Variants in SLC8A1 observed in about 807,000 individuals in gnomAD.
The protein encoded by SLC8A1 is sodium/calcium exchanger 1.
A neutral mutation model predicts 68.3 loss-of-function variants in SLC8A1; 18 were observed. That is an observed-to-expected ratio of 0.26 (90% CI 0.18 to 0.39). The LOEUF (loss-of-function observed/expected upper bound fraction) is 0.39. Among genes scored for constraint, SLC8A1 ranks in the 10% least tolerant of loss-of-function variants. The pLI, the probability that SLC8A1 is intolerant of heterozygous loss-of-function variation, is 1.00. For missense variants in SLC8A1, 985 were observed against 1,156.7 expected (o/e 0.85, Z 2.15); for synonymous variants, 475 against 415.5 (o/e 1.14, Z -1.74).
intron 7 of SLC8A1, among the ~76,000 whole-genome samples, chr2:40,136,139 G>A (rs2040455209): frequency 1.3e-5 from 2 of 152,218 alleles, no homozygotes; most frequent in Admixed American, 6.5e-5. Flanking sequence ...AAGGTGGGAA[G>A]AGGCTACTTG....
intron 2 of SLC8A1, among the ~76,000 whole-genome samples, chr2:40,311,640 G>A (rs1402535278): frequency 6.6e-6 from 1 of 151,940 alleles, no homozygotes; most frequent in Non-Finnish European, 1.5e-5. Flanking sequence ...ATAAAGTATT[G>A]ACAATTGTAT....
At chr2:40,345,839 T>C (rs985596273) in intron 2 of SLC8A1, among the ~76,000 whole-genome samples, 3 of 151,934 alleles carry the variant, frequency 2.0e-5, no homozygotes, top group South Asian at 2.1e-4. Context: ...CACTGGGCCC[T>C]GTCGGGCGGT....
chr2:40,270,276 A>G (rs2065867741), intron 2 of SLC8A1, among the ~76,000 whole-genome samples: 1 of 152,192 alleles, frequency 6.6e-6, no homozygotes, highest in South Asian at 2.1e-4. Flanking sequence ...ACCAAGGAGG[A>G]TGGTGTAGGA....
chr2:40,491,519 A>G (rs1268153462), intron 1 of SLC8A1, among the ~76,000 whole-genome samples: 1 of 152,084 alleles, frequency 6.6e-6, no homozygotes, highest in African/African-American at 2.4e-5. Flanking sequence ...TTCCAACACT[A>G]TGTTGAATAG....
chr2:40,421,082 A>G (rs1456870304), intron 2 of SLC8A1, among the ~76,000 whole-genome samples: 1 of 152,018 alleles, frequency 6.6e-6, no homozygotes, highest in Non-Finnish European at 1.5e-5. Flanking sequence ...CACCACCACC[A>G]CCAACACCAA....
At chr2:40,353,638 A>C (rs1671795897) in intron 2 of SLC8A1, among the ~76,000 whole-genome samples, 1 of 152,186 alleles carries the variant, frequency 6.6e-6, no homozygotes, top group Non-Finnish European at 1.5e-5. Context: ...TAGGCCTGAA[A>C]ACTAAGAGAT....
intron 2 of SLC8A1, 81 bp downstream of exon 3, chr2:40,178,306 A>G: frequency 9.9e-7 from 1 of 1,012,486 alleles, no homozygotes; most frequent in Non-Finnish European, 1.6e-6. Context: ...ATTGTAAGTC[A>G]TGTTCTGAAG....
chr2:40,234,493 T>C (rs1433333867), intron 2 of SLC8A1, among the ~76,000 whole-genome samples: 1 of 152,092 alleles, frequency 6.6e-6, no homozygotes, highest in Admixed American at 6.6e-5. Context: ...CTTAAGGAGA[T>C]TTTGGGCTGA....
chr2:40,253,085 TGTATATA>T (rs1259593543), intron 2 of SLC8A1, among the ~76,000 whole-genome samples: 4 of 100,870 alleles, frequency 4.0e-5, no homozygotes, highest in Non-Finnish European at 5.8e-5. Context: ...TGTGTATAAA[TGTATATA>T]GTATATATAC....
At chr2:40,323,134 A>T (rs2075402177) in intron 2 of SLC8A1, among the ~76,000 whole-genome samples, 2 of 152,190 alleles carry the variant, frequency 1.3e-5, no homozygotes, top group Non-Finnish European at 2.9e-5. Context: ...CACATAGGCA[A>T]CTATAATGCT....
intron 2 of SLC8A1, among the ~76,000 whole-genome samples, chr2:40,420,246 C>A (rs1216306245): frequency 1.3e-5 from 2 of 151,818 alleles, no homozygotes; most frequent in African/African-American, 2.4e-5. Context: ...TACTATTAAC[C>A]ACCTCCAGGG....
At chr2:40,419,855 T>G (rs1043098135) in intron 2 of SLC8A1, among the ~76,000 whole-genome samples, 1 of 152,132 alleles carries the variant, frequency 6.6e-6, no homozygotes, top group East Asian at 1.9e-4. Flanking sequence ...GTTGCAGGCT[T>G]CTTTTAAAGG....
At chr2:40,389,989 T>C (rs1398643573) in intron 2 of SLC8A1, among the ~76,000 whole-genome samples, 1 of 151,908 alleles carries the variant, frequency 6.6e-6, no homozygotes, top group Non-Finnish European at 1.5e-5. Context: ...TAACATGTTA[T>C]AAACATTTTC....
intron 1 of SLC8A1, among the ~76,000 whole-genome samples, chr2:40,476,105 T>A (rs915242331): frequency 5.3e-5 from 8 of 152,204 alleles, no homozygotes; most frequent in Non-Finnish European, 1.0e-4. Flanking sequence ...AGGTTAGTTG[T>A]GGAACTTCTT....
At chr2:40,301,396 C>A (rs1055049204) in intron 2 of SLC8A1, among the ~76,000 whole-genome samples, 14 of 152,300 alleles carry the variant, frequency 9.2e-5, no homozygotes, top group African/African-American at 3.4e-4. Context: ...TGAATCTGAA[C>A]TGATTACCTT....
chr2:40,323,649 T>C (rs548735151), intron 2 of SLC8A1, among the ~76,000 whole-genome samples: 1 of 152,198 alleles, frequency 6.6e-6, no homozygotes, highest in South Asian at 2.1e-4. Context: ...CCCAAACAGC[T>C]GCAACTCAAT....
chr2:40,449,879 G>A (rs1702109823), intron 1 of SLC8A1, among the ~76,000 whole-genome samples: 1 of 151,982 alleles, frequency 6.6e-6, no homozygotes, highest in South Asian at 2.1e-4. Context: ...TGTTTTTCTA[G>A]GAATTAATCA....
At chr2:40,500,532 A>G (rs1705987498) in intron 1 of SLC8A1, among the ~76,000 whole-genome samples, 1 of 152,050 alleles carries the variant, frequency 6.6e-6, no homozygotes, top group Non-Finnish European at 1.5e-5. Context: ...TGGTCCATCA[A>G]TATCTTATAA....
intron 5 of SLC8A1, among the ~76,000 whole-genome samples, chr2:40,162,422 C>T (rs397427): frequency 0.12 from 17,932 of 152,194 alleles, 1,200 homozygotes; most frequent in Admixed American, 0.18. Context: ...GAATCCATGA[C>T]GGAGTATCCC....
Sources: allele counts gnomAD v4.1 joint callset (sites outside exome capture counted in the v4.1 genomes callset), GRCh38; gene constraint gnomAD v4.1.1; transcripts MANE v1.5; gene names NCBI Gene and HGNC (gene_info 2026-07-23, HGNC 2026-07-21).